Variants in GRM1 observed in about 807,000 individuals in gnomAD.
GRM1 encodes the protein glutamate metabotropic receptor 1.
Under a neutral mutation model 90.9 loss-of-function variants are expected in GRM1, and 33 were observed. That is an observed-to-expected ratio of 0.36 (90% CI 0.28 to 0.49). The LOEUF (loss-of-function observed/expected upper bound fraction) is 0.49, where lower values mean the gene tolerates loss of function less well. Ranked by LOEUF, GRM1 falls within the 20% of genes least tolerant of loss-of-function variation. The pLI is 0.99. For missense variants in GRM1, 1,190 were observed against 1,534.3 expected, an observed-to-expected ratio of 0.78 and a Z score of 3.75; for synonymous variants, 700 against 613.2, an observed-to-expected ratio of 1.14 and a Z score of -2.09.
intron 1 of GRM1, among the ~76,000 whole-genome samples, chr6:146,038,949 GATAA>G (rs1422105696): frequency 6.6e-6 from 1 of 151,234 alleles, no homozygotes; most frequent in Non-Finnish European, 1.5e-5. Flanking sequence ...CTTTTTTTTC[GATAA>G]ATAAATACAT....
chr6:146,382,809 T>C (rs1193930425), intron 5 of GRM1, among the ~76,000 whole-genome samples: 1 of 152,192 alleles, frequency 6.6e-6, no homozygotes, highest in Non-Finnish European at 1.5e-5. Context: ...CTGTGTGTTA[T>C]TGGTATATTT....
intron 2 of GRM1, among the ~76,000 whole-genome samples, chr6:146,227,130 T>C (rs575377328): frequency 4.9e-4 from 75 of 152,246 alleles, no homozygotes; most frequent in Non-Finnish European, 9.6e-4. Context: ...AAAACTATTG[T>C]ATATAACATA....
At chr6:146,191,842 G>A (rs899801681) in intron 2 of GRM1, among the ~76,000 whole-genome samples, 2 of 151,864 alleles carry the variant, frequency 1.3e-5, no homozygotes, top group Non-Finnish European at 2.9e-5. Flanking sequence ...TCAATCTCTG[G>A]TCCGTGACAG....
intron 1 of GRM1, among the ~76,000 whole-genome samples, chr6:146,099,996 C>T (rs897211699): frequency 1.3e-5 from 2 of 152,222 alleles, no homozygotes; most frequent in African/African-American, 4.8e-5. Context: ...CAGTGTATGA[C>T]AATTCCTACT....
chr6:146,252,876 A>G (rs1781347905), intron 2 of GRM1, among the ~76,000 whole-genome samples: 1 of 152,078 alleles, frequency 6.6e-6, no homozygotes, highest in Admixed American at 6.5e-5. Flanking sequence ...CCTGGCCAAC[A>G]TGATGAAACT....
intron 2 of GRM1, among the ~76,000 whole-genome samples, chr6:146,196,877 C>A (rs117155026): frequency 6.6e-6 from 1 of 151,994 alleles, no homozygotes; most frequent in Non-Finnish European, 1.5e-5. Flanking sequence ...TGTTAAGAAT[C>A]GATACAAAGC....
At chr6:146,075,389 C>G (rs1247824057) in intron 1 of GRM1, among the ~76,000 whole-genome samples, 2 of 152,184 alleles carry the variant, frequency 1.3e-5, no homozygotes, top group Non-Finnish European at 2.9e-5. Context: ...CCTCAGAGAG[C>G]TGATATTCTC....
In GRM1 at chr6:146,434,424, T is replaced by C. The variant is rs1047006; in HGVS notation, c.3213T>C (p.Pro1071=). The change falls in exon 8 of 8, where the codon CCT becomes CCC. Residue 1071 remains proline (P), a synonymous_variant. Transcript: ENST00000282753. ...GGTCCCTGTACCCGCCCCCGCCACC[T>C]CCGCAGCACCTGCAGATGCTGCCGC... ...GLRSLYPPPP[P]PQHLQMLPLQ... is the part of the protein sequence containing the mutation. 2.1e-3 allele frequency: 3,317 copies of C among 1,613,228 alleles called. 2 individuals carry two copies. The highest frequency in any genetic ancestry group is 2.5e-3 in the Non-Finnish European group (2,952 of 1,179,602).
At chr6:146,202,117 A>AAT (rs1382831176) in intron 2 of GRM1, among the ~76,000 whole-genome samples, 1 of 152,216 alleles carries the variant, frequency 6.6e-6, no homozygotes, top group Non-Finnish European at 1.5e-5. Context: ...GCACTCCATA[A>AAT]ATATATATTA....
At chr6:146,351,286 C>T (rs915372081) in intron 3 of GRM1, among the ~76,000 whole-genome samples, 1 of 152,188 alleles carries the variant, frequency 6.6e-6, no homozygotes, top group Non-Finnish European at 1.5e-5. Context: ...CGACCCCCTA[C>T]TATCAGTCAA....
At chr6:146,248,321 C>T (rs1042044508) in intron 2 of GRM1, among the ~76,000 whole-genome samples, 16 of 152,144 alleles carry the variant, frequency 1.1e-4, no homozygotes, top group African/African-American at 3.9e-4. Flanking sequence ...TATGGTTTGG[C>T]TCTGTGTCCC....
intron 5 of GRM1, among the ~76,000 whole-genome samples, chr6:146,359,977 A>G (rs927186920): frequency 4.2e-5 from 6 of 142,880 alleles, no homozygotes; most frequent in Non-Finnish European, 9.0e-5. Context: ...CTTGGGAGGT[A>G]TGGAAACAAA....
chr6:146,428,484 A>T (rs564558821), intron 7 of GRM1, among the ~76,000 whole-genome samples: 2 of 152,356 alleles, frequency 1.3e-5, no homozygotes, highest in African/African-American at 4.8e-5. Flanking sequence ...TTGGCAAATT[A>T]GAAAATTTAC....
intron 2 of GRM1, among the ~76,000 whole-genome samples, chr6:146,213,953 TC>T (rs905560739): frequency 3.3e-5 from 5 of 151,888 alleles, no homozygotes; most frequent in African/African-American, 1.2e-4. Context: ...AGTCCTGGAG[TC>T]CAAAAGCTGG....
chr6:146,065,083 G>A (rs982260258), intron 1 of GRM1, among the ~76,000 whole-genome samples: 2 of 152,006 alleles, frequency 1.3e-5, no homozygotes, highest in African/African-American at 4.8e-5. Flanking sequence ...CACTCCCTAA[G>A]CCTGTGTCAT....
At chr6:146,112,109 A>G (rs962647947) in intron 1 of GRM1, among the ~76,000 whole-genome samples, 1 of 152,302 alleles carries the variant, frequency 6.6e-6, no homozygotes, top group South Asian at 2.1e-4. Flanking sequence ...TGAGTAATTC[A>G]GCTAAGCTGC....
At chr6:146,386,610 C>A (rs1776514923) in intron 5 of GRM1, among the ~76,000 whole-genome samples, 1 of 151,842 alleles carries the variant, frequency 6.6e-6, no homozygotes, top group African/African-American at 2.4e-5. Flanking sequence ...TAAACTGTTT[C>A]ATTTTTAACT....
At chr6:146,228,215 A>G (rs73783649) in intron 2 of GRM1, among the ~76,000 whole-genome samples, 2,929 of 152,298 alleles carry the variant, frequency 0.019, 39 homozygotes, top group Admixed American at 0.028. Context: ...CGCTGTAACA[A>G]AATACCATAG....
At chr6:146,342,689 T>C (rs1259180222) in intron 3 of GRM1, among the ~76,000 whole-genome samples, 1 of 152,236 alleles carries the variant, frequency 6.6e-6, no homozygotes, top group Non-Finnish European at 1.5e-5. Flanking sequence ...AAGCACCTAA[T>C]GGAGCTCCTA....
Sources: gnomAD v4.1 joint callset for allele counts (sites outside exome capture counted in the v4.1 genomes callset) on GRCh38, gnomAD v4.1.1 for gene constraint, MANE v1.5 for transcripts, NCBI Gene and HGNC (gene_info 2026-07-23, HGNC 2026-07-21) for gene names.